MKRN1: variants seen among roughly 807,000 people sequenced by gnomAD.
The protein encoded by MKRN1 is makorin ring finger protein 1.
In MKRN1, 9 loss-of-function variants were observed where a neutral mutation model predicts 55.5. That is an observed-to-expected ratio of 0.16 (90% confidence interval 0.10 to 0.28). The LOEUF is 0.28. MKRN1 is among the 10% of genes least tolerant of loss of function. MKRN1 has a pLI of 1.00. For missense variants in MKRN1, 488 were observed against 626.7 expected (o/e 0.78, Z 2.36); for synonymous variants, 253 against 235.9 (o/e 1.07, Z -0.66).
chr7:140,470,503 T>A (rs1585489142), intron 2 of MKRN1, among the ~76,000 whole-genome samples: 1 of 150,168 alleles, frequency 6.7e-6, no homozygotes, highest in Admixed American at 6.7e-5. Context: ...GAGAATCGCT[T>A]GAACCCAGGA....
intron 2 of MKRN1, among the ~76,000 whole-genome samples, chr7:140,471,562 CG>C (rs762844109): frequency 2.2e-4 from 33 of 152,014 alleles, no homozygotes; most frequent in Non-Finnish European, 4.4e-4. Flanking sequence ...ATCCACCTCC[CG>C]GGTTCATGCA....
chr7:140,479,261 G>A lies in MKRN1; in HGVS notation c.84C>T (p.Pro28=), dbSNP rs542039727. 5.1e-4 allele frequency: 710 copies of A among 1,402,558 alleles called. 1 individual carries two copies. The highest frequency in any genetic ancestry group is 5.8e-4 in the Non-Finnish European group (631 of 1,080,560). The allele number at this position is 1,402,558 out of a possible 1,614,324, so 86.9% of individuals were successfully genotyped here. A position where few individuals can be genotyped will look rare whatever the true frequency, so the allele number is the denominator to read the frequency against. ...AAAATAAAAS[P]TPIPTVTAPS... ...GGGCGGTGACTGTGGGGATCGGGGTGGGGGAGGCTGCTGCCGCCGTCGCCG... is the reference window on the plus strand; with the variant it reads ...GGGCGGTGACTGTGGGGATCGGGGTAGGGGAGGCTGCTGCCGCCGTCGCCG... Residue 28 remains proline (P), a synonymous_variant, in exon 1 of 8, where the codon CCC becomes CCT. Coordinates refer to ENST00000255977, the MANE Select transcript of MKRN1 (RefSeq NM_013446.4).
chr7:140,472,607 C>A (rs1794962403), intron 1 of MKRN1, among the ~76,000 whole-genome samples: 2 of 150,534 alleles, frequency 1.3e-5, no homozygotes, highest in South Asian at 4.3e-4. Context: ...CCAGGATGGT[C>A]TCGATCTCCT....
intron 1 of MKRN1, among the ~76,000 whole-genome samples, chr7:140,476,494 G>T (rs1479005298): frequency 7.7e-6 from 1 of 130,462 alleles, no homozygotes; most frequent in Non-Finnish European, 1.6e-5. Flanking sequence ...AAAAAAGGAA[G>T]ATACACATGT....
intron 5 of MKRN1, 29 bp from the exon 6 acceptor site, chr7:140,455,929 A>G: frequency 6.4e-7 from 1 of 1,570,954 alleles, no homozygotes; most frequent in East Asian, 2.2e-5. Flanking sequence ...GCTGCAATGC[A>G]AATTCCCCTT....
intron 2 of MKRN1, among the ~76,000 whole-genome samples, chr7:140,466,780 C>A (rs562607067): frequency 3.5e-5 from 5 of 141,190 alleles, no homozygotes; most frequent in African/African-American, 1.4e-4. Context: ...GTCCGCCGTC[C>A]GGCCTGGGCG....
rs540795508 is a variant in MKRN1, at chr7:140,463,693, G to A, written c.315-3757C>T. Among the ~76,000 whole-genome samples, 33 of 152,026 alleles carry A rather than the reference G, an allele frequency of 2.2e-4. No homozygotes were observed. In the South Asian group the frequency reaches 5.2e-3, roughly 24 times the overall value. On this transcript the variant is annotated intron_variant, in intron 2 of 7. Coordinates refer to ENST00000255977, the MANE Select transcript of MKRN1 (RefSeq NM_013446.4). Reference sequence around the variant, plus strand: ...AAGGTCAGGAGATGGAGACCATCCTGGCTAACACGGTGAAACCTCGTCTCT... The same window carrying A: ...AAGGTCAGGAGATGGAGACCATCCTAGCTAACACGGTGAAACCTCGTCTCT...
At chr7:140,456,975 C>A in intron 4 of MKRN1, 109 bp from the exon 5 acceptor site, 1 of 1,116,100 alleles carries the variant, frequency 9.0e-7, no homozygotes, top group Non-Finnish European at 1.3e-6. Flanking sequence ...ACTGAAAAAA[C>A]AATGTTCCCA....
Position 140,477,491 on chromosome 7 carries a change from T to A in MKRN1, c.185+1669A>T, listed in dbSNP as rs577749075. Among the ~76,000 whole-genome samples, 5 of 152,096 alleles carry A rather than the reference T, an allele frequency of 3.3e-5. No individual in the cohort carries two copies. In the South Asian group the frequency reaches 1.0e-3, roughly 32 times the overall value. On this transcript the variant is annotated intron_variant, in intron 1 of 7. Coordinates refer to ENST00000255977, the MANE Select transcript of MKRN1 (RefSeq NM_013446.4). ...GCCTGTCACCACGCCCGGCTAATGTTTTTTGTATTTTCAGTAGAGACGGGG... is the reference window on the plus strand; with the variant it reads ...GCCTGTCACCACGCCCGGCTAATGTATTTTGTATTTTCAGTAGAGACGGGG...
chr7:140,471,501 G>C (rs890704709), intron 2 of MKRN1, among the ~76,000 whole-genome samples: 4 of 152,026 alleles, frequency 2.6e-5, no homozygotes, highest in Middle Eastern at 6.8e-3. Flanking sequence ...GTGGAGTCTC[G>C]CTCTGTTGCC....
chr7:140,457,853 T>C (rs1039892959), intron 4 of MKRN1, among the ~76,000 whole-genome samples: 3 of 152,168 alleles, frequency 2.0e-5, no homozygotes, highest in Non-Finnish European at 4.4e-5. Context: ...TATATAGATA[T>C]AACGTATAGA....
At chr7:140,479,521 G>A (rs1418864147), upstream of MKRN1, 1 of 615,208 alleles carries the variant, frequency 1.6e-6, no homozygotes, top group African/African-American at 1.9e-5. Flanking sequence ...TTCAACTGCG[G>A]GCCCAGAGCA....
chr7:140,459,074 G>C lies in MKRN1; in HGVS notation c.704C>G (p.Ser235Cys). 1 of 1,613,944 alleles carries C rather than the reference G, an allele frequency of 6.2e-7. No individual in the cohort carries two copies. Among genetic ancestry groups the C allele is most frequent in the Non-Finnish European group, 8.5e-7 (1 of 1,179,874 alleles). ...GENCVYLHGD[S>C]CDMCGLQVLH... Reference sequence around the variant, plus strand: ...GACCTGCAGCCCACACATGTCACAAGAATCTCCGTGGAGATACACACAGTT... The same window carrying C: ...GACCTGCAGCCCACACATGTCACAACAATCTCCGTGGAGATACACACAGTT... Residue 235 changes from serine (S) to cysteine (C), a missense_variant, in exon 4 of 8, where the codon TCT (serine) becomes TGT (cysteine). This residue lies in a region of MKRN1 where 278 missense variants were observed against 406.7 expected (regional missense o/e 0.68). Coordinates refer to ENST00000255977, the MANE Select transcript of MKRN1 (RefSeq NM_013446.4).
At chr7:140,468,034 GCA>G (rs1794822485) in intron 2 of MKRN1, among the ~76,000 whole-genome samples, 1 of 149,838 alleles carries the variant, frequency 6.7e-6, no homozygotes, top group East Asian at 2.0e-4. Flanking sequence ...CAGAGGCTTA[GCA>G]CAGATTTCTT....
chr7:140,456,186 T>C, intron 5 of MKRN1: 2 of 1,179,174 alleles, frequency 1.7e-6, no homozygotes, highest in East Asian at 4.2e-5. Flanking sequence ...CACAGACTCC[T>C]TTTTCTTTCG....
chr7:140,475,696 GA>G, intron 1 of MKRN1, among the ~76,000 whole-genome samples: 1 of 152,122 alleles, frequency 6.6e-6, no homozygotes, highest in Middle Eastern at 3.4e-3. Flanking sequence ...TAAAAATCAA[GA>G]AAAGAGTTTT....
At chr7:140,474,617 ATTAC>A (rs1795065897) in intron 1 of MKRN1, 1 of 156,394 alleles carries the variant, frequency 6.4e-6, no homozygotes, top group Non-Finnish European at 1.4e-5. Flanking sequence ...TTTAATATTT[ATTAC>A]TTATTTCCTC....
Position 140,459,332 on chromosome 7 carries a change from A to G in MKRN1, c.545-99T>C, listed in dbSNP as rs994767249. 1.5e-5 allele frequency: 18 copies of G among 1,172,860 alleles called. No individual in the cohort carries two copies. In the African/African-American group the frequency reaches 2.6e-4, roughly 17 times the overall value. 72.7% of individuals were successfully genotyped at this position (1,172,860 alleles called of 1,614,324 possible). A position where few individuals can be genotyped will look rare whatever the true frequency, so the allele number is the denominator to read the frequency against. On this transcript the variant is annotated intron_variant, in intron 3 of 7. Transcript: ENST00000255977. The stretch of plus-strand genomic sequence containing the variant: ...CGCAAAAAATGAAAATAAAACTGCA[A>G]TGAAATACCAAAACAGTCTACTGAA...
At chr7:140,478,907 G>A (rs1795204285) in intron 1 of MKRN1, 4 of 340,810 alleles carry the variant, frequency 1.2e-5, no homozygotes, top group Middle Eastern at 7.9e-4. Flanking sequence ...CAGCCCCGCG[G>A]CTCCGCAGTA....
Sources: gnomAD v4.1 joint callset for allele counts (sites outside exome capture counted in the v4.1 genomes callset) on GRCh38, gnomAD v4.1.1 for gene constraint, gnomAD v4.1.1 regional missense constraint, MANE v1.5 for transcripts, NCBI Gene and HGNC (gene_info 2026-07-23, HGNC 2026-07-21) for gene names.